The following TMEM270 variants were observed in gnomAD, a reference collection of about 807,000 sequenced individuals.
TMEM270 encodes the protein transmembrane protein 270, also known as Williams-Beuren syndrome chromosome region 28.
Under a neutral mutation model 29.9 loss-of-function variants are expected in TMEM270, and 30 were observed. That is an observed-to-expected ratio of 1.00 (90% CI 0.75 to 1.36). TMEM270 has a LOEUF of 1.36. Among genes scored for constraint, TMEM270 ranks in the 40% most tolerant of loss-of-function variants. TMEM270 has a pLI of 0.00. For missense variants in TMEM270, 313 were observed against 307.1 expected (o/e 1.02, Z -0.14); for synonymous variants, 135 against 139.8 (o/e 0.97, Z 0.24).
At chr7:73,862,088 C>T (rs781823799) in intron 1 of TMEM270, among the ~76,000 whole-genome samples, 3 of 151,164 alleles carry the variant, frequency 2.0e-5, no homozygotes, top group African/African-American at 7.3e-5. Context: ...TAAGCCACTG[C>T]GCCTGGCTCA....
At chr7:73,861,844 G>T (rs939275924) in intron 1 of TMEM270, among the ~76,000 whole-genome samples, 4 of 151,976 alleles carry the variant, frequency 2.6e-5, no homozygotes, top group Non-Finnish European at 5.9e-5. Context: ...TGTTGCCCAG[G>T]CTGGAGTGCA....
chr7:73,864,685 C>G (rs1554639680), intron 1 of TMEM270, among the ~76,000 whole-genome samples: 2 of 151,816 alleles, frequency 1.3e-5, no homozygotes, highest in Non-Finnish European at 2.9e-5. Flanking sequence ...GGTGGATCAT[C>G]TAAGGTCAGG....
chr7:73,863,170 T>C (rs1274628020), intron 1 of TMEM270, among the ~76,000 whole-genome samples: 1 of 151,642 alleles, frequency 6.6e-6, no homozygotes, highest in African/African-American at 2.4e-5. Context: ...GAGTGGGGGG[T>C]CTTGCAGCCA....
chr7:73,865,741 G>C lies in TMEM270; in HGVS notation c.666G>C (p.Thr222=), dbSNP rs782021022. 2.6e-5 allele frequency: 42 copies of C among 1,613,982 alleles called. No homozygotes were observed. The highest frequency in any genetic ancestry group is 3.6e-5 in the Non-Finnish European group (42 of 1,180,020). ...TGCTGCAGGCTGCCTTTGAGCACAC[G>C]ACCCAGCTGGCCGAGGCCCAGGAGG... ...SHLLQAAFEH[T]TQLAEAQEVE... is the part of the protein sequence containing the mutation. Residue 222 remains threonine, a synonymous_variant, in exon 3 of 3, where the codon ACG becomes ACC. Coordinates refer to ENST00000320531, the MANE Select transcript of TMEM270 (RefSeq NM_182504.4).
At chr7:73,862,179 C>T (rs1030339674) in intron 1 of TMEM270, among the ~76,000 whole-genome samples, 55 of 151,304 alleles carry the variant, frequency 3.6e-4, no homozygotes, top group African/African-American at 1.2e-3. Flanking sequence ...GCGATCTCGG[C>T]TCACTGCAAC....
chr7:73,865,229 G>C lies in TMEM270; in HGVS notation c.309G>C (p.Trp103Cys), dbSNP rs1788877487. 6.2e-7 allele frequency: 1 copy of C among 1,613,620 alleles called. No homozygotes were observed. The highest frequency in any genetic ancestry group is 2.2e-5 in the East Asian group (1 of 44,892). ...CCAGGCTGATGTGGGCTGGCATGTG[G>C]GGCAGCACCAAGGGCCTGGGCCTGG... Reference protein sequence around the residue: ...QGPRLMWAGMWGSTKGLGLAL... With the variant: ...QGPRLMWAGMCGSTKGLGLAL... Residue 103 changes from tryptophan (W) to cysteine (C), a missense_variant, in exon 2 of 3, where the codon TGG (tryptophan) becomes TGC (cysteine). Physicochemically the swap from Trp to Cys is radical, Grantham distance 215 (BLOSUM62 -2). Transcript: ENST00000320531.
chr7:73,861,082 A>AG, upstream of TMEM270: 1 of 994,390 alleles, frequency 1.0e-6, no homozygotes, highest in Non-Finnish European at 1.6e-6. Flanking sequence ...AGCCAGGTAA[A>AG]GGCAGTGGGT....
In TMEM270 at chr7:73,865,365, AC is replaced by A. The variant is rs1280947764; in HGVS notation, c.447del (p.Trp150GlyfsTer22). 1 of 1,613,132 alleles carries A rather than the reference AC, an allele frequency of 6.2e-7. No individual in the cohort carries two copies. The highest frequency in any genetic ancestry group is 8.5e-7 in the Non-Finnish European group (1 of 1,179,856). On this transcript the variant is annotated frameshift_variant, in exon 2 of 3. Coordinates refer to ENST00000320531, the MANE Select transcript of TMEM270 (RefSeq NM_182504.4). LOFTEE classifies it high-confidence loss of function. Reference sequence around the variant, plus strand: ...GGTGGCCTTGCTCTTGGTGGTAGTGACCTGGAGGGTGTGTCAGAAGTCCCAC... The same window carrying A: ...GGTGGCCTTGCTCTTGGTGGTAGTGACTGGAGGGTGTGTCAGAAGTCCCAC... ...MLVALLLVVV[T>X]WRVCQKSHCF... is the part of the protein sequence containing the mutation.
At chr7:73,861,559 C>G (rs1003342001) in intron 1 of TMEM270, 38 of 550,212 alleles carry the variant, frequency 6.9e-5, no homozygotes, top group Non-Finnish European at 1.2e-4. Context: ...AAGCAATCCT[C>G]CCCCCTCAGC....
At position 73,865,307 on chromosome 7, in the gene TMEM270, T is replaced by C. The variant is rs2130607646; in HGVS notation, c.387T>C (p.Asp129=). 1.9e-6 allele frequency: 3 copies of C among 1,613,276 alleles called. No homozygotes were observed. Among genetic ancestry groups the C allele is most frequent in the Non-Finnish European group, 2.5e-6 (3 of 1,179,966 alleles). Reference sequence around the variant, plus strand: ...GCCTGTCTGTGGCCATCTGGACAGATCTGTTTTTGTCATGTCTGCACGGCC... The same window carrying C: ...GCCTGTCTGTGGCCATCTGGACAGACCTGTTTTTGTCATGTCTGCACGGCC... The part of the protein sequence containing the change: ...QLGLSVAIWT[D]LFLSCLHGLM... The change falls in exon 2 of 3, where the codon GAT becomes GAC. Residue 129 remains aspartate (D), a synonymous_variant. Transcript: ENST00000320531.
At chr7:73,861,639 G>T (rs1788787909) in intron 1 of TMEM270, 1 of 352,978 alleles carries the variant, frequency 2.8e-6, no homozygotes, top group Non-Finnish European at 5.7e-6. Context: ...TAGAGATGGT[G>T]TCTCACTACG....
intron 1 of TMEM270, chr7:73,861,605 C>A (rs1415756879): frequency 2.4e-6 from 1 of 414,242 alleles, no homozygotes; most frequent in African/African-American, 2.0e-5. Context: ...TGCACCACCA[C>A]GCCTGACTAA....
chr7:73,861,061 G>A, upstream of TMEM270: 1 of 807,448 alleles, frequency 1.2e-6, no homozygotes, highest in South Asian at 1.5e-5. Context: ...AGGAAGCAGT[G>A]GAGCGGCAGG....
Position 73,865,064 on chromosome 7 carries a change from A to T in TMEM270, c.144A>T (p.Ser48=). 6.5e-7 allele frequency: 1 copy of T among 1,534,256 alleles called. No homozygotes were observed. The highest frequency in any genetic ancestry group is 2.3e-5 in the East Asian group (1 of 44,124). ...TCAACCTCTTCAACCACTGGGTGTC[A>T]GGGCTGGCCCAGGAGGCCCGGGGGT... ...LKINLFNHWV[S]GLAQEARGSC... is the part of the protein sequence containing the mutation. Residue 48 remains serine (S), a synonymous_variant, in exon 2 of 3, where the codon TCA becomes TCT. Transcript: ENST00000320531.
chr7:73,865,781 G>C lies in TMEM270; in HGVS notation c.706G>C (p.Val236Leu). ...GGCCCAGGAGGTTGAACCCCAGGAG[G>C]TCTCAGGGTCTTCCTTGCTGCCCTC... ...AEAQEVEPQE[V>L]SGSSLLPSLS... Residue 236 changes from valine to leucine, a missense_variant, in exon 3 of 3, where the codon GTC (valine) becomes CTC (leucine). Val to Leu is a conservative substitution (Grantham distance 32). Coordinates refer to ENST00000320531, the MANE Select transcript of TMEM270 (RefSeq NM_182504.4). 1 of 1,614,074 alleles carries C rather than the reference G, an allele frequency of 6.2e-7. No individual in the cohort carries two copies. The highest frequency in any genetic ancestry group is 8.5e-7 in the Non-Finnish European group (1 of 1,180,024).
Position 73,865,807 on chromosome 7 carries a change from A to G in TMEM270, c.732A>G (p.Ser244=), listed in dbSNP as rs782651900. Residue 244 remains serine, a synonymous_variant, in exon 3 of 3, where the codon TCA becomes TCG. Transcript: ENST00000320531. ...QEVSGSSLLP[S]LSASSDSESG... ...TCTCAGGGTCTTCCTTGCTGCCCTC[A>G]CTGTCTGCGTCCTCGGACTCAGAGT... is the stretch of plus-strand genomic sequence containing the variant. The G allele has an allele frequency of 6.2e-7, 1 of 1,613,794 alleles. No individual in the cohort carries two copies. The highest frequency in any genetic ancestry group is 8.5e-7 in the Non-Finnish European group (1 of 1,179,964).
At position 73,865,012 on chromosome 7, in the gene TMEM270, A is replaced by T; in HGVS notation, c.92A>T (p.His31Leu). ...LSVLLVQNRD[H>L]LYNFLLLKIN... Reference sequence around the variant, plus strand: ...CTGCAGTTGGTTCAGAACCGAGATCACCTCTATAATTTCCTGCTCCTCAAG... The same window carrying T: ...CTGCAGTTGGTTCAGAACCGAGATCTCCTCTATAATTTCCTGCTCCTCAAG... Residue 31 changes from histidine (H) to leucine (L), a missense_variant, in exon 2 of 3, where the codon CAC becomes CTC. By Grantham distance (99) the His-to-Leu change is moderately conservative (BLOSUM62 -3). Coordinates refer to ENST00000320531, the MANE Select transcript of TMEM270 (RefSeq NM_182504.4). 6.7e-7 allele frequency: 1 copy of T among 1,503,360 alleles called. No individual in the cohort carries two copies. Among genetic ancestry groups the T allele is most frequent in the Non-Finnish European group, 8.9e-7 (1 of 1,124,854 alleles). The allele number at this position is 1,503,360 out of a possible 1,614,324, so 93.1% of individuals were successfully genotyped here.
At chr7:73,864,893 A>T (rs1392073013) in intron 1 of TMEM270, 100 bp from the exon 2 acceptor site, 7 of 1,077,868 alleles carry the variant, frequency 6.5e-6, no homozygotes, top group Admixed American at 2.9e-5. Context: ...ACAAGAGTGA[A>T]ACTCCGTCTC....
At chr7:73,864,903 CAAAAAA>C in intron 1 of TMEM270, 84 bp from the exon 2 acceptor site, 2 of 961,472 alleles carry the variant, frequency 2.1e-6, no homozygotes, top group Non-Finnish European at 1.4e-6. Context: ...AACTCCGTCT[CAAAAAA>C]AAAAAAAAGA....
Sources: gnomAD v4.1 joint callset for allele counts (sites outside exome capture counted in the v4.1 genomes callset) on GRCh38, gnomAD v4.1.1 for gene constraint, MANE v1.5 for transcripts, NCBI Gene and HGNC (gene_info 2026-07-23, HGNC 2026-07-21) for gene names.